The following CMIP variants were observed in gnomAD, a reference collection of about 807,000 sequenced individuals.
CMIP encodes c-Maf inducing protein.
Under a neutral mutation model 97.3 loss-of-function variants are expected in CMIP, and 13 were observed. That is an observed-to-expected ratio of 0.13 (90% CI 0.09 to 0.21). The LOEUF (loss-of-function observed/expected upper bound fraction) is 0.21, where lower values mean the gene tolerates loss of function less well. Among genes scored for constraint, CMIP ranks in the 10% least tolerant of loss-of-function variants. The pLI is 1.00. For synonymous variants in CMIP, 538 were observed against 436.3 expected (o/e 1.23, Z -2.91); for missense variants, 847 against 1,024.9 (o/e 0.83, Z 2.37).
intron 7 of CMIP, among the ~76,000 whole-genome samples, chr16:81,667,799 A>AGAGAGAGTGT: frequency 8.6e-4 from 50 of 58,136 alleles, no homozygotes; most frequent in Admixed American, 2.3e-3. Flanking sequence ...AGAGAGAGAG[A>AGAGAGAGTGT]GTGTGTGTGT....
chr16:81,589,630 A>G (rs2091436531), intron 1 of CMIP, among the ~76,000 whole-genome samples: 1 of 152,216 alleles, frequency 6.6e-6, no homozygotes, highest in Non-Finnish European at 1.5e-5. Flanking sequence ...ATCCCAAAGC[A>G]GTCCCCTGAG....
intron 1 of CMIP, among the ~76,000 whole-genome samples, chr16:81,516,802 A>G (rs925299967): frequency 1.3e-5 from 2 of 152,190 alleles, no homozygotes; most frequent in Non-Finnish European, 2.9e-5. Flanking sequence ...AAATTCTCTC[A>G]TGTTTGCATA....
chr16:81,663,914 T>C (rs574679124), intron 6 of CMIP, among the ~76,000 whole-genome samples: 3 of 152,104 alleles, frequency 2.0e-5, no homozygotes, highest in Non-Finnish European at 4.4e-5. Context: ...CAGGATTCCT[T>C]TTCCAGTGCC....
chr16:81,549,969 C>G (rs2090621544), intron 1 of CMIP, among the ~76,000 whole-genome samples: 1 of 152,196 alleles, frequency 6.6e-6, no homozygotes, highest in South Asian at 2.1e-4. Flanking sequence ...CCTGTGCCGT[C>G]CAAGTGCCCA....
intron 1 of CMIP, among the ~76,000 whole-genome samples, chr16:81,488,592 T>G (rs2089357040): frequency 6.6e-6 from 1 of 152,138 alleles, no homozygotes; most frequent in Non-Finnish European, 1.5e-5. Context: ...AAGGGTGACA[T>G]GCCTGTTCCT....
chr16:81,535,407 C>T (rs1022821323), intron 1 of CMIP, among the ~76,000 whole-genome samples: 2 of 151,390 alleles, frequency 1.3e-5, no homozygotes, highest in African/African-American at 4.9e-5. Flanking sequence ...GGCTGTGTCT[C>T]ATGATGCTTC....
chr16:81,487,274 T>C (rs2089330688), intron 1 of CMIP, among the ~76,000 whole-genome samples: 1 of 150,884 alleles, frequency 6.6e-6, no homozygotes, highest in South Asian at 2.1e-4. Flanking sequence ...TGAGAAATGG[T>C]GGCCTCTGCT....
At chr16:81,611,446 AGTG>A (rs1244689064) in intron 2 of CMIP, 1 of 152,572 alleles carries the variant, frequency 6.6e-6, no homozygotes, top group Non-Finnish European at 1.5e-5. Flanking sequence ...AAAGAGGGCT[AGTG>A]CCCCTTCCCT....
intron 3 of CMIP, among the ~76,000 whole-genome samples, chr16:81,622,833 C>CA (rs1464078448): frequency 5.3e-5 from 8 of 152,216 alleles, no homozygotes; most frequent in African/African-American, 1.9e-4. Flanking sequence ...GGGCAACCAA[C>CA]ATGATGGGCA....
chr16:81,510,879 C>T (rs1414601073), intron 1 of CMIP, among the ~76,000 whole-genome samples: 3 of 152,044 alleles, frequency 2.0e-5, no homozygotes, highest in Non-Finnish European at 4.4e-5. Context: ...GCCACCTTGC[C>T]CACCTAACTT....
chr16:81,635,670 C>A (rs1006825738), intron 3 of CMIP, among the ~76,000 whole-genome samples: 1 of 152,124 alleles, frequency 6.6e-6, no homozygotes, highest in Non-Finnish European at 1.5e-5. Context: ...TTATCCGTGA[C>A]CATGGAGAAA....
intron 1 of CMIP, among the ~76,000 whole-genome samples, chr16:81,510,027 C>A (rs2089781110): frequency 6.6e-6 from 1 of 152,162 alleles, no homozygotes; most frequent in East Asian, 1.9e-4. Context: ...TGATCAATTT[C>A]CATCAGGATT....
At chr16:81,603,307 A>T (rs2091688335) in intron 1 of CMIP, 1 of 439,752 alleles carries the variant, frequency 2.3e-6, no homozygotes, top group Non-Finnish European at 4.6e-6. Flanking sequence ...GGTCTCGATC[A>T]AGGTGACGTC....
At chr16:81,694,298 C>T (rs77223914) in intron 13 of CMIP, among the ~76,000 whole-genome samples, 2 of 152,118 alleles carry the variant, frequency 1.3e-5, no homozygotes, top group Non-Finnish European at 2.9e-5. Context: ...CGCCCTAACT[C>T]CCAGTTGAGG....
intron 1 of CMIP, among the ~76,000 whole-genome samples, chr16:81,469,304 C>A (rs1907387439): frequency 2.6e-5 from 4 of 152,208 alleles, no homozygotes; most frequent in Non-Finnish European, 5.9e-5. Context: ...GAAGTTCTAC[C>A]TTGGGCTCTG....
At chr16:81,683,482 C>G (rs1905077378) in intron 10 of CMIP, among the ~76,000 whole-genome samples, 1 of 152,148 alleles carries the variant, frequency 6.6e-6, no homozygotes. Context: ...CTCTGCCCCC[C>G]AGGTTCAAGC....
chr16:81,485,808 C>T (rs1027811017), intron 1 of CMIP, among the ~76,000 whole-genome samples: 1 of 152,146 alleles, frequency 6.6e-6, no homozygotes, highest in African/African-American at 2.4e-5. Context: ...GAAGCTGAGG[C>T]GAAAGAGCTT....
chr16:81,526,123 C>T (rs2090130031), intron 1 of CMIP, among the ~76,000 whole-genome samples: 1 of 152,074 alleles, frequency 6.6e-6, no homozygotes, highest in Non-Finnish European at 1.5e-5. Flanking sequence ...TATCTTTTTG[C>T]ATCCCTGCTT....
intron 1 of CMIP, among the ~76,000 whole-genome samples, chr16:81,531,270 C>G (rs1435438557): frequency 6.6e-6 from 1 of 152,152 alleles, no homozygotes; most frequent in African/African-American, 2.4e-5. Flanking sequence ...CAAGGAATGC[C>G]AAGGATTTTG....
Sources: gnomAD v4.1 joint callset for allele counts (sites outside exome capture counted in the v4.1 genomes callset) on GRCh38, gnomAD v4.1.1 for gene constraint, MANE v1.5 for transcripts, NCBI Gene and HGNC (gene_info 2026-07-23, HGNC 2026-07-21) for gene names.